The following DIAPH2 variants were observed in gnomAD, a reference collection of about 807,000 sequenced individuals.
DIAPH2 encodes diaphanous related formin 2, also known as protein diaphanous homolog 2.
A neutral mutation model predicts 92.7 loss-of-function variants in DIAPH2; 35 were observed. The ratio of observed to expected loss-of-function variants is 0.38; its 90% CI spans 0.29 to 0.50. The LOEUF (loss-of-function observed/expected upper bound fraction) is 0.50. DIAPH2 is among the 20% of genes least tolerant of loss of function. The pLI, the probability that DIAPH2 is intolerant of heterozygous loss-of-function variation, is 0.94. For synonymous variants in DIAPH2, 301 were observed against 280.4 expected (o/e 1.07, Z -0.73); for missense variants, 701 against 819.5 (o/e 0.86, Z 1.77).
rs1569436743 is a variant in DIAPH2 at position 96,962,480 on chromosome X, C to CATATATAT, written c.1936-2612_1936-2611insTATATATA. Among the ~76,000 whole-genome samples the CATATATAT allele has an allele frequency of 7.8e-4, 32 of 40,977 alleles. 4 individuals carry two copies. Among genetic ancestry groups the CATATATAT allele is most frequent in the African/African-American group, 4.4e-3 (31 of 6,981 alleles). The allele number at this position is 40,977 out of a possible 115,157, so 35.6% of individuals were successfully genotyped here. A position where few individuals can be genotyped will look rare whatever the true frequency, so the allele number is the denominator to read the frequency against. The stretch of plus-strand genomic sequence containing the variant: ...ACATATATATATACATATATATATA[C>CATATATAT]ACACACACACACACACATATATATA... On this transcript the variant is annotated intron_variant, in intron 16 of 26. Coordinates refer to ENST00000324765, the MANE Select transcript of DIAPH2 (RefSeq NM_006729.5).
intron 22 of DIAPH2, among the ~76,000 whole-genome samples, chrX:97,206,026 C>T (rs908462105): frequency 9.0e-6 from 1 of 111,170 alleles, no homozygotes; most frequent in Non-Finnish European, 1.9e-5. Context: ...AAGCTGTAAG[C>T]CATCATTCTC....
intron 17 of DIAPH2, among the ~76,000 whole-genome samples, chrX:97,066,639 C>A (rs1392452344): frequency 8.9e-6 from 1 of 112,038 alleles, no homozygotes; most frequent in Non-Finnish European, 1.9e-5. Context: ...TTTGTCCTTC[C>A]TAAAATATGC....
intron 4 of DIAPH2, among the ~76,000 whole-genome samples, chrX:96,791,040 G>C (rs140095885): frequency 4.6e-4 from 51 of 111,947 alleles, no homozygotes; most frequent in Middle Eastern, 4.7e-3. Context: ...GACGTACACA[G>C]CACACATTCA....
At chrX:96,736,227 T>C (rs1364571480) in intron 2 of DIAPH2, among the ~76,000 whole-genome samples, 2 of 111,641 alleles carry the variant, frequency 1.8e-5, no homozygotes, top group African/African-American at 6.5e-5. Context: ...ATAGTATATC[T>C]TTTTAAAAGT....
chrX:97,372,514 A>C (rs2069457641), intron 24 of DIAPH2, among the ~76,000 whole-genome samples: 1 of 111,888 alleles, frequency 8.9e-6, no homozygotes, highest in African/African-American at 3.3e-5. Flanking sequence ...CACATACTTG[A>C]ATTCACTTCA....
At chrX:97,579,625 G>A (rs748349278) in intron 26 of DIAPH2, among the ~76,000 whole-genome samples, 21 of 110,854 alleles carry the variant, frequency 1.9e-4, no homozygotes, top group African/African-American at 7.0e-4. Context: ...TTGTTCTTTT[G>A]GCTTAGGATT....
intron 17 of DIAPH2, among the ~76,000 whole-genome samples, chrX:96,993,323 A>G (rs1009493868): frequency 8.9e-6 from 1 of 112,150 alleles, no homozygotes; most frequent in African/African-American, 3.2e-5. Flanking sequence ...TTTTCAAAAG[A>G]GAGGATGTGT....
In DIAPH2 at chrX:97,216,486, T is replaced by G. The variant is rs758482026; in HGVS notation, c.2720-31229T>G. Among the ~76,000 whole-genome samples the G allele has an allele frequency of 1.3e-3, 143 of 108,322 alleles. 1 individual carries two copies. The highest frequency in any genetic ancestry group is 4.6e-3 in the African/African-American group (138 of 29,787). The allele number at this position is 108,322 out of a possible 115,157, so 94.1% of individuals were successfully genotyped here. A position where few individuals can be genotyped will look rare whatever the true frequency, so the allele number is the denominator to read the frequency against. ...TGCCTGGCTAATTTTTTTTTTTTTTTGTAGAAACTGGGTCTCCCTATGTTG... is the reference window on the plus strand; with the variant it reads ...TGCCTGGCTAATTTTTTTTTTTTTTGGTAGAAACTGGGTCTCCCTATGTTG... On this transcript the variant is annotated intron_variant, in intron 22 of 26. Coordinates refer to ENST00000324765, the MANE Select transcript of DIAPH2 (RefSeq NM_006729.5).
intron 25 of DIAPH2, among the ~76,000 whole-genome samples, chrX:97,398,316 G>T (rs1449708053): frequency 1.8e-5 from 2 of 111,891 alleles, no homozygotes; most frequent in African/African-American, 3.2e-5. Context: ...GTTTTGAGGG[G>T]AAATCGAGAT....
chrX:97,339,598 G>A (rs1402674929), intron 23 of DIAPH2, among the ~76,000 whole-genome samples: 1 of 111,955 alleles, frequency 8.9e-6, no homozygotes, highest in Non-Finnish European at 1.9e-5. Flanking sequence ...TCATGACTGA[G>A]ACCAAACTGA....
At chrX:97,550,919 A>G (rs2147862947) in intron 26 of DIAPH2, among the ~76,000 whole-genome samples, 1 of 111,658 alleles carries the variant, frequency 9.0e-6, no homozygotes, top group Non-Finnish European at 1.9e-5. Flanking sequence ...TTGAGCCCCT[A>G]CTCAAGGGAA....
chrX:96,982,851 G>A (rs1048134926), intron 17 of DIAPH2, among the ~76,000 whole-genome samples: 10 of 111,695 alleles, frequency 9.0e-5, no homozygotes, highest in Admixed American at 2.9e-4. Context: ...TAACATTTTC[G>A]TAATCCATTT....
intron 26 of DIAPH2, among the ~76,000 whole-genome samples, chrX:97,579,018 GT>G (rs1423684346): frequency 8.1e-5 from 8 of 98,400 alleles, no homozygotes; most frequent in Non-Finnish European, 1.6e-4. Flanking sequence ...TGATGGGGTT[GT>G]TTGTTTTTTT....
chrX:97,100,329 A>G (rs1270587694), intron 20 of DIAPH2, among the ~76,000 whole-genome samples: 2 of 111,659 alleles, frequency 1.8e-5, no homozygotes, highest in Non-Finnish European at 3.8e-5. Flanking sequence ...CTTATACATC[A>G]TGTCTTTAAA....
chrX:97,195,289 A>G (rs1317025099), intron 22 of DIAPH2, among the ~76,000 whole-genome samples: 1 of 112,042 alleles, frequency 8.9e-6, no homozygotes, highest in Non-Finnish European at 1.9e-5. Context: ...TTAAAGTGTA[A>G]CTTCAGCATT....
At chrX:97,292,580 C>T (rs1206271450) in intron 23 of DIAPH2, among the ~76,000 whole-genome samples, 1 of 103,422 alleles carries the variant, frequency 9.7e-6, no homozygotes, top group Non-Finnish European at 2.0e-5. Context: ...CGGAGTCTCA[C>T]TCTGTCACCA....
chrX:97,268,344 G>C (rs1026995687), intron 23 of DIAPH2, among the ~76,000 whole-genome samples: 4 of 112,577 alleles, frequency 3.6e-5, no homozygotes, highest in African/African-American at 9.7e-5. Flanking sequence ...CCGAAACAAT[G>C]TGTACTGGCT....
At chrX:97,113,695 T>G (rs2066998464) in intron 20 of DIAPH2, among the ~76,000 whole-genome samples, 1 of 112,400 alleles carries the variant, frequency 8.9e-6, no homozygotes, top group Non-Finnish European at 1.9e-5. Flanking sequence ...AAAGGTACTT[T>G]GTGGTTTAAA....
chrX:97,446,063 T>G lies in DIAPH2; in HGVS notation c.3241+16318T>G, dbSNP rs761557182. On this transcript the variant is annotated intron_variant, in intron 26 of 26. Coordinates refer to ENST00000324765, the MANE Select transcript of DIAPH2 (RefSeq NM_006729.5). ...TGGATGAAATTCTTGGTTGCCAGCC[T>G]TTTTGGAATTATGACCTCATCACCA... Among the ~76,000 whole-genome samples, 3 of 111,380 alleles carry G rather than the reference T, an allele frequency of 2.7e-5. No homozygotes were observed. The South Asian group carries it at 1.2e-3, about 43-fold the overall frequency.
Sources: allele counts gnomAD v4.1 joint callset (sites outside exome capture counted in the v4.1 genomes callset), GRCh38; gene constraint gnomAD v4.1.1; transcripts MANE v1.5; gene names NCBI Gene and HGNC (gene_info 2026-07-23, HGNC 2026-07-21).